The following ZFP82 variants were observed in gnomAD, a reference collection of about 807,000 sequenced individuals.
ZFP82 encodes ZFP82 zinc finger protein.
In ZFP82, 30 loss-of-function variants were observed where a neutral mutation model predicts 54.0. The observed-to-expected ratio is 0.56, with a 90% CI of 0.42 to 0.75. The LOEUF is 0.75. ZFP82 is among the 30% of genes least tolerant of loss of function. ZFP82 has a pLI of 0.00. For synonymous variants in ZFP82, 194 were observed against 209.5 expected, an observed-to-expected ratio of 0.93 and a Z score of 0.64; for missense variants, 500 against 636.8, an observed-to-expected ratio of 0.79 and a Z score of 2.31.
chr19:36,414,102 A>G (rs541633324), intron 1 of ZFP82, among the ~76,000 whole-genome samples: 87 of 151,954 alleles, frequency 5.7e-4, no homozygotes, highest in East Asian at 3.7e-3. Context: ...GGGTTTCACC[A>G]TGTTAGCCAA....
chr19:36,389,506 T>C lies in ZFP82; in HGVS notation c.*3235A>G, dbSNP rs185101823. Among the ~76,000 whole-genome samples, 15 of 152,322 alleles carry C rather than the reference T, an allele frequency of 9.8e-5. No homozygotes were observed. The East Asian group carries it at 2.9e-3, about 29-fold the overall frequency. On this transcript the variant is annotated 3_prime_UTR_variant, in exon 5 of 5. Transcript: ENST00000392161. Reference sequence around the variant, plus strand: ...ATCCCTCCCACCTTTTGTTTTTAAGTATTTAAAAGTAAATCACAGGCATAA... The same window carrying C: ...ATCCCTCCCACCTTTTGTTTTTAAGCATTTAAAAGTAAATCACAGGCATAA...
At chr19:36,414,269 T>C (rs2032630419) in intron 1 of ZFP82, among the ~76,000 whole-genome samples, 1 of 152,176 alleles carries the variant, frequency 6.6e-6, no homozygotes. Flanking sequence ...TAGCAGTCCC[T>C]TTCTCTAAAG....
chr19:36,410,966 G>A (rs934435813), intron 1 of ZFP82, among the ~76,000 whole-genome samples: 1 of 150,758 alleles, frequency 6.6e-6, no homozygotes, highest in East Asian at 2.0e-4. Context: ...GCCAAGGCAG[G>A]TGGATCACCT....
intron 4 of ZFP82, among the ~76,000 whole-genome samples, chr19:36,400,897 C>A (rs1250580822): frequency 2.0e-5 from 3 of 152,138 alleles, no homozygotes; most frequent in Non-Finnish European, 4.4e-5. Flanking sequence ...TCAAGTCACT[C>A]CACTTGGGCT....
intron 3 of ZFP82, among the ~76,000 whole-genome samples, chr19:36,406,777 G>A (rs1178414972): frequency 6.6e-6 from 1 of 152,032 alleles, no homozygotes; most frequent in Non-Finnish European, 1.5e-5. Context: ...AATGTATGAG[G>A]GTTCTAGTTT....
intron 1 of ZFP82, among the ~76,000 whole-genome samples, chr19:36,414,222 T>G (rs1470568950): frequency 6.6e-6 from 1 of 151,886 alleles, no homozygotes; most frequent in Admixed American, 6.6e-5. Context: ...ATTTAAAAAT[T>G]TGGTATTTGC....
chr19:36,393,735 T>G lies in ZFP82; in HGVS notation c.605A>C (p.Glu202Ala), dbSNP rs201807470. 1.2e-6 allele frequency: 2 copies of G among 1,613,964 alleles called. No homozygotes were observed. The highest frequency in any genetic ancestry group is 8.5e-7 in the Non-Finnish European group (1 of 1,180,024). The change falls in exon 5 of 5, where the codon GAA becomes GCA. Residue 202 changes from glutamate (E) to alanine (A), a missense_variant. By Grantham distance (107) the Glu-to-Ala change is moderately radical. Coordinates refer to ENST00000392161, the MANE Select transcript of ZFP82 (RefSeq NM_133466.4). ...AGTCTGTCTGAAGGCCATCCCACAT[T>G]CCTTACATTCATACGGTTTTTCACC... ...HTGEKPYECK[E>A]CGMAFRQTAH...
chr19:36,416,924 T>G (rs2032681304), intron 1 of ZFP82, among the ~76,000 whole-genome samples: 1 of 135,168 alleles, frequency 7.4e-6, no homozygotes. Context: ...AATACAAAAA[T>G]TAGCTGGGTG....
intron 4 of ZFP82, chr19:36,394,337 T>A: frequency 2.1e-6 from 1 of 486,410 alleles, no homozygotes; most frequent in South Asian, 2.3e-5. Flanking sequence ...TCAGTGGTTC[T>A]CATATTGAGG....
chr19:36,405,646 T>C lies in ZFP82; in HGVS notation c.163A>G (p.Ile55Val). 1.9e-6 allele frequency: 3 copies of C among 1,608,540 alleles called. No homozygotes were observed. The highest frequency in any genetic ancestry group is 2.6e-6 in the Non-Finnish European group (3 of 1,176,068). The stretch of plus-strand genomic sequence containing the variant: ...TCTTTTCCTTGCTCCAATGAGGAAA[T>C]CACATCTGGTTTAGAAATGAAGCAT... ...LGCFISKPDVISSLEQGKEPW... is the reference protein window; with the variant it reads ...LGCFISKPDVVSSLEQGKEPW... The change falls in exon 4 of 5, where the codon ATT becomes GTT. Residue 55 changes from isoleucine (I) to valine (V), a missense_variant. By Grantham distance (29) the Ile-to-Val change is conservative. Transcript: ENST00000392161.
At chr19:36,412,142 CA>C (rs1203157358) in intron 1 of ZFP82, among the ~76,000 whole-genome samples, 1 of 151,790 alleles carries the variant, frequency 6.6e-6, no homozygotes, top group African/African-American at 2.4e-5. Flanking sequence ...AGAAAATACA[CA>C]AGGACATATA....
chr19:36,404,971 G>C, intron 4 of ZFP82, among the ~76,000 whole-genome samples: 1 of 152,114 alleles, frequency 6.6e-6, no homozygotes, highest in South Asian at 2.1e-4. Context: ...ATCACCTGAG[G>C]TCAGGAATTC....
At chr19:36,401,625 C>A (rs1275282996) in intron 4 of ZFP82, among the ~76,000 whole-genome samples, 1 of 152,212 alleles carries the variant, frequency 6.6e-6, no homozygotes, top group Admixed American at 6.5e-5. Flanking sequence ...CTGAAACTGC[C>A]TCAGTATCGG....
rs371881139 is a variant in ZFP82, at chr19:36,410,237, T to C, written c.-78-370A>G. ...GCCCTGCTTGCAGCCAGAACAACTT[T>C]CAAAATCCTCTGGGCTCATCACTCT... On this transcript the variant is annotated intron_variant, in intron 1 of 4. Coordinates refer to ENST00000392161, the MANE Select transcript of ZFP82 (RefSeq NM_133466.4). Among the ~76,000 whole-genome samples, 78 of 152,254 alleles carry C rather than the reference T, an allele frequency of 5.1e-4. 1 individual carries two copies. In the South Asian group the frequency reaches 0.016, roughly 31 times the overall value.
chr19:36,395,035 C>G (rs933129991), intron 4 of ZFP82: 3 of 152,212 alleles, frequency 2.0e-5, no homozygotes, highest in Admixed American at 2.0e-4. Context: ...CCTCTAGTCT[C>G]TCATGCCTTA....
At chr19:36,405,469 G>A (rs2032464576) in intron 4 of ZFP82, 111 bp downstream of exon 4, 1 of 690,690 alleles carries the variant, frequency 1.4e-6, no homozygotes, top group Non-Finnish European at 2.3e-6. Context: ...TTTCCTCCTT[G>A]GGCCACAGAC....
rs1383146081 is a variant in ZFP82 at position 36,404,097 on chromosome 19, A to C, written c.229+1483T>G. On this transcript the variant is annotated intron_variant, in intron 4 of 4. Transcript: ENST00000392161. ...TTATTACAAGGTAAATTTCGTGGGG[A>C]TGGAAACTTGATTGGTTGTTTACCA... Among the ~76,000 whole-genome samples, 3 of 152,036 alleles carry C rather than the reference A, an allele frequency of 2.0e-5. No homozygotes were observed. In the East Asian group the frequency reaches 5.8e-4, roughly 29 times the overall value.
At chr19:36,409,677 A>T (rs1279243213) in intron 2 of ZFP82, 104 bp downstream of exon 2, 1 of 1,239,310 alleles carries the variant, frequency 8.1e-7, no homozygotes, top group African/African-American at 1.5e-5. Flanking sequence ...AAGAACTGGA[A>T]GAAGGTTCTT....
At chr19:36,399,413 C>T (rs1309300134) in intron 4 of ZFP82, among the ~76,000 whole-genome samples, 1 of 152,206 alleles carries the variant, frequency 6.6e-6, no homozygotes, top group African/African-American at 2.4e-5. Flanking sequence ...GTCAGATAAA[C>T]TTAACCCTCA....
Sources: allele counts gnomAD v4.1 joint callset (sites outside exome capture counted in the v4.1 genomes callset), GRCh38; gene constraint gnomAD v4.1.1; transcripts MANE v1.5; gene names NCBI Gene and HGNC (gene_info 2026-07-23, HGNC 2026-07-21).